CARM1: variants seen among roughly 807,000 people sequenced by gnomAD.
CARM1 encodes the protein histone-arginine methyltransferase CARM1.
Under a neutral mutation model 72.7 loss-of-function variants are expected in CARM1, and 14 were observed. That is an observed-to-expected ratio of 0.19 (90% confidence interval 0.13 to 0.30). The LOEUF (loss-of-function observed/expected upper bound fraction) is 0.30, where lower values mean the gene tolerates loss of function less well. Among genes scored for constraint, CARM1 ranks in the 10% least tolerant of loss-of-function variants. CARM1 has a pLI of 1.00. For missense variants in CARM1, 432 were observed against 833.7 expected, an observed-to-expected ratio of 0.52 and a Z score of 5.93; for synonymous variants, 333 against 345.5, an observed-to-expected ratio of 0.96 and a Z score of 0.40.
In CARM1 at chr19:10,920,424, C is replaced by T. The variant is rs1458406946; in HGVS notation, c.1197-12C>T. On this transcript the variant is annotated splice_polypyrimidine_tract_variant and intron_variant, in intron 10 of 15. Coordinates refer to ENST00000327064, the MANE Select transcript of CARM1 (RefSeq NM_199141.2). The surrounding 1 kb of genome is among the most constrained non-coding windows in gnomAD (Gnocchi z 5.3). ...CGGCCCAGTCAAGTATGTGCCTGTCCCTGCTCCACAGAATGACCGTGTGGC... is the reference window on the plus strand; with the variant it reads ...CGGCCCAGTCAAGTATGTGCCTGTCTCTGCTCCACAGAATGACCGTGTGGC... 6.2e-7 allele frequency: 1 copy of T among 1,605,466 alleles called. No homozygotes were observed. The highest frequency in any genetic ancestry group is 8.5e-7 in the Non-Finnish European group (1 of 1,173,546).
At chr19:10,894,417 G>T (rs964543037) in intron 1 of CARM1, among the ~76,000 whole-genome samples, 2 of 152,102 alleles carry the variant, frequency 1.3e-5, no homozygotes, top group African/African-American at 2.4e-5. Flanking sequence ...GGGGGTCGGG[G>T]TGTCTCCCTC....
In CARM1 at chr19:10,922,031, T is replaced by G; in HGVS notation, c.*274T>G. ...CCCTCCTGCCCGCTCTACCCTGACC[T>G]GGGCTTGTCATCTGCTGGAACAGGC... On this transcript the variant is annotated 3_prime_UTR_variant, in exon 16 of 16. Transcript: ENST00000327064. 3.5e-6 allele frequency: 1 copy of G among 283,668 alleles called. No homozygotes were observed. The highest frequency in any genetic ancestry group is 6.6e-6 in the Non-Finnish European group (1 of 151,534). The allele number at this position is 283,668 out of a possible 1,614,324, so 17.6% of individuals were successfully genotyped here. A position where few individuals can be genotyped will look rare whatever the true frequency, so the allele number is the denominator to read the frequency against.
chr19:10,919,633 C>T lies in CARM1; in HGVS notation c.1059C>T (p.Val353=). Reference sequence around the variant, plus strand: ...TCCGGATCCTGATGGCCAAGTCTGTCAAGTACACGGTGAACTTCTTAGAAG... The same window carrying T: ...TCCGGATCCTGATGGCCAAGTCTGTTAAGTACACGGTGAACTTCTTAGAAG... ...FDIRILMAKS[V]KYTVNFLEAK... Residue 353 remains valine, a synonymous_variant, in exon 9 of 16, where the codon GTC becomes GTT. Transcript: ENST00000327064. 1 of 1,614,162 alleles carries T rather than the reference C, an allele frequency of 6.2e-7. No homozygotes were observed. The highest frequency in any genetic ancestry group is 8.5e-7 in the Non-Finnish European group (1 of 1,179,984).
chr19:10,912,129 C>A lies in CARM1; in HGVS notation c.559-55C>A. On this transcript the variant is annotated intron_variant, in intron 4 of 15. Transcript: ENST00000327064. This position sits in a 1 kb window ranked among gnomAD's most constrained non-coding sequence, Gnocchi z 4.5. ...GCACATCCCTTATGATCACTGTCAC[C>A]TCCCCATCACCGTCGCCTCCTATGT... 1 of 1,239,412 alleles carries A rather than the reference C, an allele frequency of 8.1e-7. No individual in the cohort carries two copies. The highest frequency in any genetic ancestry group is 1.2e-6 in the Non-Finnish European group (1 of 837,654). The allele number at this position is 1,239,412 out of a possible 1,614,324, so 76.8% of individuals were successfully genotyped here.
At chr19:10,877,656 A>T (rs972551552) in intron 1 of CARM1, among the ~76,000 whole-genome samples, 1 of 152,094 alleles carries the variant, frequency 6.6e-6, no homozygotes, top group African/African-American at 2.4e-5. Context: ...TCCTGACCTC[A>T]AATAATCTGC....
chr19:10,888,235 C>A (rs1351222794), intron 1 of CARM1, among the ~76,000 whole-genome samples: 1 of 152,178 alleles, frequency 6.6e-6, no homozygotes, highest in Non-Finnish European at 1.5e-5. Context: ...CAGGGGTCAA[C>A]TAGCCTGGCC....
At chr19:10,884,341 C>CAA (rs553780774) in intron 1 of CARM1, among the ~76,000 whole-genome samples, 6 of 79,584 alleles carry the variant, frequency 7.5e-5, no homozygotes, top group East Asian at 3.6e-4. Context: ...AACTCCGTCT[C>CAA]AAAAAAAAAA....
At chr19:10,904,034 G>A (rs759210067) in intron 1 of CARM1, among the ~76,000 whole-genome samples, 11 of 152,048 alleles carry the variant, frequency 7.2e-5, no homozygotes, top group Admixed American at 3.3e-4. Flanking sequence ...AACATTTTTC[G>A]TTTGGCTCCA....
chr19:10,905,348 G>A (rs1375913780), intron 2 of CARM1, among the ~76,000 whole-genome samples: 2 of 152,232 alleles, frequency 1.3e-5, no homozygotes, highest in East Asian at 3.9e-4. Context: ...TGACCACCTG[G>A]GACCAGTCTT....
At chr19:10,906,765 G>A (rs1438275601) in intron 2 of CARM1, among the ~76,000 whole-genome samples, 15 of 151,768 alleles carry the variant, frequency 9.9e-5, no homozygotes, top group South Asian at 2.1e-4. Flanking sequence ...ATGCCTGACC[G>A]TGTCTTTTAA....
intron 1 of CARM1, among the ~76,000 whole-genome samples, chr19:10,892,576 G>A (rs1414732000): frequency 6.6e-6 from 1 of 152,222 alleles, no homozygotes; most frequent in African/African-American, 2.4e-5. Context: ...TCTGGGGTTT[G>A]GGATTCTCTT....
At chr19:10,898,023 C>G (rs1446110408) in intron 1 of CARM1, among the ~76,000 whole-genome samples, 1 of 151,708 alleles carries the variant, frequency 6.6e-6, no homozygotes, top group Non-Finnish European at 1.5e-5. Context: ...AGGAGAATGG[C>G]GTGAACCCCA....
intron 1 of CARM1, among the ~76,000 whole-genome samples, chr19:10,899,141 G>A (rs1349097615): frequency 1.3e-5 from 2 of 151,368 alleles, no homozygotes; most frequent in African/African-American, 4.9e-5. Context: ...CCGGCTCCGC[G>A]GGCTTTAGCA....
intron 8 of CARM1, among the ~76,000 whole-genome samples, chr19:10,917,941 A>G (rs1440121555): frequency 6.6e-6 from 1 of 151,856 alleles, no homozygotes; most frequent in African/African-American, 2.4e-5. Context: ...GAAACTCCTG[A>G]CCTTAGGTGA....
chr19:10,901,648 A>T (rs1051780519), intron 1 of CARM1, among the ~76,000 whole-genome samples: 1 of 150,330 alleles, frequency 6.7e-6, no homozygotes, highest in Non-Finnish European at 1.5e-5. Context: ...TTGTTGAGTT[A>T]AAAAAGTTCT....
chr19:10,879,328 G>C (rs1209202513), intron 1 of CARM1, among the ~76,000 whole-genome samples: 1 of 152,248 alleles, frequency 6.6e-6, no homozygotes, highest in Non-Finnish European at 1.5e-5. Flanking sequence ...ATCACTGCCA[G>C]CTGCAAGGGA....
At chr19:10,904,919 C>T in intron 1 of CARM1, 32 bp from the exon 2 acceptor site, 2 of 1,611,366 alleles carry the variant, frequency 1.2e-6, no homozygotes, top group Non-Finnish European at 1.7e-6. Context: ...GACAGGGCTG[C>T]ACCGCTCACG....
chr19:10,895,464 A>G (rs2074017717), intron 1 of CARM1, among the ~76,000 whole-genome samples: 1 of 152,232 alleles, frequency 6.6e-6, no homozygotes, highest in African/African-American at 2.4e-5. Flanking sequence ...ACGAGCCTCA[A>G]GGGCCCAAAG....
At chr19:10,913,437 C>G (rs1403978363) in intron 5 of CARM1, among the ~76,000 whole-genome samples, 1 of 151,580 alleles carries the variant, frequency 6.6e-6, no homozygotes, top group East Asian at 1.9e-4. Flanking sequence ...ACTCGGGAGG[C>G]TGAGGTGGGA....
Sources: gnomAD v4.1 joint callset for allele counts (sites outside exome capture counted in the v4.1 genomes callset) on GRCh38, gnomAD v4.1.1 for gene constraint, Gnocchi (gnomAD v3.1) non-coding constraint, MANE v1.5 for transcripts, NCBI Gene and HGNC (gene_info 2026-07-23, HGNC 2026-07-21) for gene names.